Variants in PSD4 observed in about 807,000 individuals in gnomAD.
PSD4 encodes the protein PH and SEC7 domain-containing protein 4.
In PSD4, 59 loss-of-function variants were observed where a neutral mutation model predicts 112.5. That is an observed-to-expected ratio of 0.52 (90% CI 0.43 to 0.65). The LOEUF (loss-of-function observed/expected upper bound fraction) is 0.65, where lower values mean the gene tolerates loss of function less well. Ranked by LOEUF, PSD4 falls within the 30% of genes least tolerant of loss-of-function variation. PSD4 has a pLI of 0.00. For missense variants in PSD4, 1,267 were observed against 1,352.6 expected (o/e 0.94, Z 0.99); for synonymous variants, 533 against 540.0 (o/e 0.99, Z 0.18).
At chr2:113,198,519 G>A (rs1346403458) in intron 14 of PSD4, 2 of 461,640 alleles carry the variant, frequency 4.3e-6, no homozygotes, top group African/African-American at 2.0e-5. Context: ...TGATCCGCCT[G>A]CCAAGGCGTT....
rs1558658009 is a variant in PSD4 at position 113,198,678 on chromosome 2, C to A, written c.2625-62C>A. 8 of 1,480,762 alleles carry A rather than the reference C, an allele frequency of 5.4e-6. No homozygotes were observed. In the Admixed American group the frequency reaches 6.3e-5, roughly 12 times the overall value. 91.7% of individuals were successfully genotyped at this position (1,480,762 alleles called of 1,614,324 possible). The stretch of plus-strand genomic sequence containing the variant: ...CTGTGCAAGCAGCCACAGGAGGGGG[C>A]GGGAGGAGGGTGACAGGACGGACTC... On this transcript the variant is annotated intron_variant, in intron 14 of 16. Transcript: ENST00000245796.
At chr2:113,181,766 A>G (rs747985910) in intron 1 of PSD4, among the ~76,000 whole-genome samples, 78 of 152,184 alleles carry the variant, frequency 5.1e-4, no homozygotes, top group Non-Finnish European at 5.0e-4. Flanking sequence ...TTACAAGGAC[A>G]AAGAAGCAGG....
Position 113,185,439 on chromosome 2 carries a change from A to G in PSD4, c.1248A>G (p.Arg416=), listed in dbSNP as rs1164146221. 1 of 1,614,042 alleles carries G rather than the reference A, an allele frequency of 6.2e-7. No individual in the cohort carries two copies. The highest frequency in any genetic ancestry group is 8.5e-7 in the Non-Finnish European group (1 of 1,180,026). ...AGGTGACTCTTAACTCCCAGGACAG[A>G]GGTGAGCCCTAATAAGGGGGTTTGG... ...WPQVTLNSQD[R]DEREGGHPQE... Residue 416 remains arginine (R), a splice_region_variant and synonymous_variant, in exon 4 of 17, where the codon AGA becomes AGG. Coordinates refer to ENST00000245796, the MANE Select transcript of PSD4 (RefSeq NM_012455.3).
At position 113,175,048 on chromosome 2, in the gene PSD4, C is replaced by A. The variant is rs183851379; in HGVS notation, c.-112+994C>A. ...CTCCTACAGACAAGGAACCGCCTAG[C>A]ATGGGGATCAGAACACAGGCTGCTG... On this transcript the variant is annotated intron_variant, in intron 1 of 16. Coordinates refer to ENST00000245796, the MANE Select transcript of PSD4 (RefSeq NM_012455.3). Among the ~76,000 whole-genome samples, 106 of 152,238 alleles carry A rather than the reference C, an allele frequency of 7.0e-4. 1 individual carries two copies. Among genetic ancestry groups the A allele is most frequent in the East Asian group, 3.9e-3 (20 of 5,170 alleles).
At position 113,197,051 on chromosome 2, in the gene PSD4, T is replaced by G. The variant is rs543701092; in HGVS notation, c.2387-513T>G. The G allele has an allele frequency of 1.0e-4, 20 of 200,368 alleles. No homozygotes were observed. The East Asian group carries it at 2.8e-3, about 28-fold the overall frequency. The allele number at this position is 200,368 out of a possible 1,614,324, so 12.4% of individuals were successfully genotyped here. ...TGCCTTTTGTCCAAGGAGCTTAGAA[T>G]GGATCTTACCACACAAGACCAGGGT... is the stretch of plus-strand genomic sequence containing the variant. On this transcript the variant is annotated intron_variant, in intron 12 of 16. Coordinates refer to ENST00000245796, the MANE Select transcript of PSD4 (RefSeq NM_012455.3).
At chr2:113,196,060 G>A (rs1319336104) in intron 11 of PSD4, 87 bp from the exon 12 acceptor site, 4 of 1,487,802 alleles carry the variant, frequency 2.7e-6, no homozygotes. Flanking sequence ...CAGGAAAAGA[G>A]AGGTTGCTAA....
At chr2:113,184,891 G>A in intron 2 of PSD4, 66 bp from the exon 3 acceptor site, 1 of 1,600,028 alleles carries the variant, frequency 6.2e-7, no homozygotes, top group Non-Finnish European at 8.5e-7. Context: ...GAAAGGCCCT[G>A]GGAGCAATTT....
In PSD4 at chr2:113,188,784, G is replaced by A. The variant is rs1442523357; in HGVS notation, c.1628+2529G>A. Among the ~76,000 whole-genome samples the A allele has an allele frequency of 5.3e-5, 8 of 151,728 alleles. No individual in the cohort carries two copies. In the East Asian group the frequency reaches 1.6e-3, roughly 30 times the overall value. On this transcript the variant is annotated intron_variant, in intron 5 of 16. Transcript: ENST00000245796. ...TTTAGTAGAGACGGGGTTTCCCCGT[G>A]GTCTTGATCTCCTGACCTCGTGATC... is the stretch of plus-strand genomic sequence containing the variant.
intron 5 of PSD4, among the ~76,000 whole-genome samples, chr2:113,187,150 G>A (rs539948263): frequency 3.3e-5 from 5 of 152,344 alleles, no homozygotes; most frequent in Admixed American, 2.6e-4. Flanking sequence ...GGAGAACCCC[G>A]AGAGGAAGGT....
intron 1 of PSD4, among the ~76,000 whole-genome samples, chr2:113,180,948 C>T (rs141090124): frequency 6.6e-6 from 1 of 151,706 alleles, no homozygotes; most frequent in African/African-American, 2.4e-5. Context: ...CTGGGTGCAG[C>T]GGCTCACACC....
chr2:113,189,660 T>C (rs1393742311), intron 5 of PSD4, among the ~76,000 whole-genome samples: 1 of 152,200 alleles, frequency 6.6e-6, no homozygotes, highest in East Asian at 1.9e-4. Context: ...CCTATTGACC[T>C]CATCCATGCC....
intron 1 of PSD4, among the ~76,000 whole-genome samples, chr2:113,174,723 A>G (rs1687921774): frequency 6.6e-6 from 1 of 152,146 alleles, no homozygotes; most frequent in African/African-American, 2.4e-5. Context: ...AACAGGAACC[A>G]CTGAACTCTC....
chr2:113,182,675 A>C lies in PSD4; in HGVS notation c.219A>C (p.Thr73=). 6.2e-7 allele frequency: 1 copy of C among 1,612,372 alleles called. No homozygotes were observed. Among genetic ancestry groups the C allele is most frequent in the Non-Finnish European group, 8.5e-7 (1 of 1,179,224 alleles). The change falls in exon 2 of 17, where the codon ACA becomes ACC. Residue 73 remains threonine, a synonymous_variant. Transcript: ENST00000245796. ...CCTGGGGCTCCGGTGTGGAGCTCAC[A>C]CACCTGGGGAGCTGGGTCCATCAGG... ...VPPWGSGVEL[T]HLGSWVHQDG... is the part of the protein sequence containing the mutation.
intron 11 of PSD4, 87 bp from the exon 12 acceptor site, chr2:113,196,060 G>C (rs1319336104): frequency 6.7e-7 from 1 of 1,487,920 alleles, no homozygotes; most frequent in Non-Finnish European, 9.2e-7. Flanking sequence ...CAGGAAAAGA[G>C]AGGTTGCTAA....
chr2:113,195,363 T>C (rs1023364070), intron 10 of PSD4, among the ~76,000 whole-genome samples: 1 of 152,116 alleles, frequency 6.6e-6, no homozygotes, highest in Non-Finnish European at 1.5e-5. Flanking sequence ...GGTTTCATCA[T>C]GTTGGCCAGG....
chr2:113,199,346 G>C (rs1395088946), intron 16 of PSD4, 120 bp downstream of exon 16: 2 of 1,219,862 alleles, frequency 1.6e-6, no homozygotes, highest in African/African-American at 3.2e-5. Flanking sequence ...AGGCGCTTGC[G>C]TGCGGGCGGG....
At chr2:113,193,421 A>C in intron 8 of PSD4, 51 bp downstream of exon 8, 2 of 1,573,870 alleles carry the variant, frequency 1.3e-6, no homozygotes, top group South Asian at 1.1e-5. Context: ...TGGGGTGCCC[A>C]TGTCTGCTTG....
intron 10 of PSD4, 74 bp downstream of exon 10, chr2:113,194,022 C>T: frequency 6.8e-7 from 1 of 1,465,656 alleles, no homozygotes; most frequent in African/African-American, 1.4e-5. Flanking sequence ...AAGGGAGATG[C>T]TGAGCTTGGG....
rs575323331 is a variant in PSD4, at chr2:113,207,592, G to C, written c.*6177G>C. 1 of 151,584 alleles carries C rather than the reference G, an allele frequency of 6.6e-6. No individual in the cohort carries two copies. The highest frequency in any genetic ancestry group is 2.0e-4 in the East Asian group (1 of 5,100). The allele number at this position is 151,584 out of a possible 1,614,324, so 9.4% of individuals were successfully genotyped here. On this transcript the variant is annotated 3_prime_UTR_variant, in exon 17 of 17. Coordinates refer to ENST00000245796, the MANE Select transcript of PSD4 (RefSeq NM_012455.3). ...CTGCCTCAGCCTCCCGAGTAGCTGG[G>C]ACTACAGGCGCCCGCTACCATGCCC...
Sources: allele counts gnomAD v4.1 joint callset (sites outside exome capture counted in the v4.1 genomes callset), GRCh38; gene constraint gnomAD v4.1.1; transcripts MANE v1.5; gene names NCBI Gene and HGNC (gene_info 2026-07-23, HGNC 2026-07-21).